PLG: variants seen among roughly 807,000 people sequenced by gnomAD.
The protein encoded by PLG is plasmin.
A neutral mutation model predicts 104.4 loss-of-function variants in PLG; 41 were observed. The ratio of observed to expected loss-of-function variants is 0.39; its 90% CI spans 0.31 to 0.51. The LOEUF (loss-of-function observed/expected upper bound fraction) is 0.51, where lower values mean the gene tolerates loss of function less well. Among genes scored for constraint, PLG ranks in the 20% least tolerant of loss-of-function variants. The pLI is 0.76. For synonymous variants in PLG, 337 were observed against 357.1 expected (o/e 0.94, Z 0.63); for missense variants, 891 against 1,003.6 (o/e 0.89, Z 1.52).
intron 7 of PLG, among the ~76,000 whole-genome samples, chr6:160,717,692 A>G (rs183144190): frequency 2.0e-5 from 3 of 152,246 alleles, no homozygotes; most frequent in Non-Finnish European, 4.4e-5. Context: ...TCGGGGTGTG[A>G]GGTGACACGT....
At position 160,735,860 on chromosome 6, in the gene PLG, GA is replaced by G. The variant is rs1445349002; in HGVS notation, c.1682-1026del. ...CTAGCAGAAATTGAGCTCAGCACTA[GA>G]GAAGATGATTGCATTCTATGCCTTG... is the stretch of plus-strand genomic sequence containing the variant. On this transcript the variant is annotated intron_variant, in intron 13 of 18. Transcript: ENST00000308192. The surrounding 1 kb of genome is among the most constrained non-coding windows in gnomAD (Gnocchi z 5.4). 6.6e-6 allele frequency among the ~76,000 whole-genome samples: 1 copy of G among 152,176 alleles called. No homozygotes were observed. Among genetic ancestry groups the G allele is most frequent in the Non-Finnish European group, 1.5e-5 (1 of 68,040 alleles).
rs1300442912 is a variant in PLG, at chr6:160,752,352, G to A, written c.2271+92G>A. ...TTCATTCCCCAGGTGGCAAATTCAAGGATTTTCAACCGAAGACCCCAGTCT... is the reference window on the plus strand; with the variant it reads ...TTCATTCCCCAGGTGGCAAATTCAAAGATTTTCAACCGAAGACCCCAGTCT... On this transcript the variant is annotated intron_variant, in intron 18 of 18. Coordinates refer to ENST00000308192, the MANE Select transcript of PLG (RefSeq NM_000301.5). This position sits in a 1 kb window ranked among gnomAD's most constrained non-coding sequence, Gnocchi z 4.7. 3.2e-5 allele frequency: 40 copies of A among 1,235,658 alleles called. No homozygotes were observed. The Admixed American group carries it at 6.1e-4, about 19-fold the overall frequency. 76.5% of individuals were successfully genotyped at this position (1,235,658 alleles called of 1,614,324 possible). A position where few individuals can be genotyped will look rare whatever the true frequency, so the allele number is the denominator to read the frequency against.
chr6:160,752,765 G>C lies in PLG; in HGVS notation c.2272-135G>C, dbSNP rs1410501053. ...AAGTACTTAAGCACTGCAGATGCTTGAGTAATATGCTCATAAGTTCCTTTC... is the reference window on the plus strand; with the variant it reads ...AAGTACTTAAGCACTGCAGATGCTTCAGTAATATGCTCATAAGTTCCTTTC... On this transcript the variant is annotated intron_variant, in intron 18 of 18. Transcript: ENST00000308192. The surrounding 1 kb of genome is among the most constrained non-coding windows in gnomAD (Gnocchi z 4.7). 2.8e-6 allele frequency: 3 copies of C among 1,089,646 alleles called. No individual in the cohort carries two copies. In the African/African-American group the frequency reaches 4.7e-5, roughly 17 times the overall value. 67.5% of individuals were successfully genotyped at this position (1,089,646 alleles called of 1,614,324 possible).
At chr6:160,748,211 A>T (rs1245952216) in intron 17 of PLG, among the ~76,000 whole-genome samples, 3 of 151,522 alleles carry the variant, frequency 2.0e-5, no homozygotes, top group Non-Finnish European at 4.4e-5. Flanking sequence ...AGGCTGAGGC[A>T]GGAGAATCGC....
At chr6:160,749,623 C>T (rs1778363338) in intron 17 of PLG, among the ~76,000 whole-genome samples, 2 of 150,446 alleles carry the variant, frequency 1.3e-5, no homozygotes, top group South Asian at 2.1e-4. Context: ...ATTATCACCA[C>T]CACCATCATC....
In PLG at chr6:160,718,857, G is replaced by A; in HGVS notation, c.1096+19G>A. ...CCCACAGGTAAGCAAGGGTATGGGA[G>A]CTTACTGAGGGCCCAAGTTTTCTCC... On this transcript the variant is annotated intron_variant, in intron 9 of 18. Transcript: ENST00000308192. 1.2e-6 allele frequency: 2 copies of A among 1,610,870 alleles called. No homozygotes were observed. Among genetic ancestry groups the A allele is most frequent in the South Asian group, 1.1e-5 (1 of 91,034 alleles).
At chr6:160,705,999 CTG>C (rs1235256998) in intron 1 of PLG, 1 of 214,734 alleles carries the variant, frequency 4.7e-6, no homozygotes, top group Non-Finnish European at 9.4e-6. Flanking sequence ...GCTAATGAAA[CTG>C]TTTTTCTTTG....
rs969828765 is a variant in PLG, at chr6:160,722,499, G to A, written c.1188G>A (p.Lys396=). 6.2e-7 allele frequency: 1 copy of A among 1,613,880 alleles called. No homozygotes were observed. Among genetic ancestry groups the A allele is most frequent in the Non-Finnish European group, 8.5e-7 (1 of 1,179,808 alleles). The change falls in exon 10 of 19, where the codon AAG becomes AAA. Residue 396 remains lysine (K), a synonymous_variant. Coordinates refer to ENST00000308192, the MANE Select transcript of PLG (RefSeq NM_000301.5). Reference sequence around the variant, plus strand: ...CATCCTCCACCACCACCACAGGAAAGAAGTGTCAGTCTTGGTCATCTATGA... The same window carrying A: ...CATCCTCCACCACCACCACAGGAAAAAAGTGTCAGTCTTGGTCATCTATGA... The part of the protein sequence containing the change: ...RGTSSTTTTG[K]KCQSWSSMTP...
rs979927164 is a variant in PLG at position 160,753,349 on chromosome 6, T to C, written c.*288T>C. On this transcript the variant is annotated 3_prime_UTR_variant, in exon 19 of 19. Transcript: ENST00000308192. This position sits in a 1 kb window ranked among gnomAD's most constrained non-coding sequence, Gnocchi z 5.4. ...TGCTCTTTGTTCACCCCACCAATTT[T>C]TAAATGGGCAGATGGGGGGATTTAG... 1 of 447,406 alleles carries C rather than the reference T, an allele frequency of 2.2e-6. No homozygotes were observed. The highest frequency in any genetic ancestry group is 4.1e-6 in the Non-Finnish European group (1 of 241,858). The allele number at this position is 447,406 out of a possible 1,614,324, so 27.7% of individuals were successfully genotyped here. A position where few individuals can be genotyped will look rare whatever the true frequency, so the allele number is the denominator to read the frequency against.
rs539864247 is a variant in PLG, at chr6:160,723,417, T to C, written c.1256+850T>C. On this transcript the variant is annotated intron_variant, in intron 10 of 18. Transcript: ENST00000308192. This position sits in a 1 kb window ranked among gnomAD's most constrained non-coding sequence, Gnocchi z 4.7. ...TTGGAGAACAGATAAACTGAGATAA[T>C]TTAGAAAGGGAATCAAATGAGATCA... Among the ~76,000 whole-genome samples the C allele has an allele frequency of 1.3e-5, 2 of 152,232 alleles. No individual in the cohort carries two copies. Among genetic ancestry groups the C allele is most frequent in the Admixed American group, 1.3e-4 (2 of 15,276 alleles).
chr6:160,752,829 G>T lies in PLG; in HGVS notation c.2272-71G>T. 6.6e-7 allele frequency: 1 copy of T among 1,513,158 alleles called. No individual in the cohort carries two copies. The highest frequency in any genetic ancestry group is 9.2e-7 in the Non-Finnish European group (1 of 1,088,510). The allele number at this position is 1,513,158 out of a possible 1,614,324, so 93.7% of individuals were successfully genotyped here. A position where few individuals can be genotyped will look rare whatever the true frequency, so the allele number is the denominator to read the frequency against. On this transcript the variant is annotated intron_variant, in intron 18 of 18. Coordinates refer to ENST00000308192, the MANE Select transcript of PLG (RefSeq NM_000301.5). The surrounding 1 kb of genome is among the most constrained non-coding windows in gnomAD (Gnocchi z 4.7). ...TGGGAAAATGTATATATGGATAGTA[G>T]AAGGATGGCATCCCATAATAAAAGG... is the stretch of plus-strand genomic sequence containing the variant.
intron 17 of PLG, among the ~76,000 whole-genome samples, chr6:160,749,903 G>GCCACCACCATCATCA (rs149258451): frequency 6.8e-6 from 1 of 147,094 alleles, no homozygotes; most frequent in East Asian, 2.0e-4. Context: ...TTCCACCACT[G>GCCACCACCATCATCA]CCACCACCAC....
At position 160,724,838 on chromosome 6, in the gene PLG, G is replaced by A. The variant is rs1316491686; in HGVS notation, c.1256+2271G>A. Among the ~76,000 whole-genome samples the A allele has an allele frequency of 6.6e-6, 1 of 152,114 alleles. No homozygotes were observed. Among genetic ancestry groups the A allele is most frequent in the Non-Finnish European group, 1.5e-5 (1 of 68,014 alleles). ...TCATTACTAGGCTTATATAATAAAA[G>A]ATGTTCTAGAAATCTATTTTGGTAG... is the stretch of plus-strand genomic sequence containing the variant. On this transcript the variant is annotated intron_variant, in intron 10 of 18. Transcript: ENST00000308192. This position sits in a 1 kb window ranked among gnomAD's most constrained non-coding sequence, Gnocchi z 5.0.
rs908643962 is a variant in PLG at position 160,741,626 on chromosome 6, C to T, written c.2125+209C>T. Among the ~76,000 whole-genome samples, 1 of 152,124 alleles carries T rather than the reference C, an allele frequency of 6.6e-6. No individual in the cohort carries two copies. Among genetic ancestry groups the T allele is most frequent in the African/African-American group, 2.4e-5 (1 of 41,430 alleles). On this transcript the variant is annotated intron_variant, in intron 17 of 18. Coordinates refer to ENST00000308192, the MANE Select transcript of PLG (RefSeq NM_000301.5). The surrounding 1 kb of genome is among the most constrained non-coding windows in gnomAD (Gnocchi z 4.7). ...GAAAACTGTGTCTTTGAGTCTCTCT[C>T]TCTCTCTCTGTTTTCAGAACATTTT...
intron 9 of PLG, among the ~76,000 whole-genome samples, chr6:160,720,238 A>C (rs1777805314): frequency 6.6e-6 from 1 of 151,932 alleles, no homozygotes; most frequent in South Asian, 2.1e-4. Context: ...CTATGTTTTC[A>C]ATAGGTCATT....
At position 160,740,451 on chromosome 6, in the gene PLG, A is replaced by G. The variant is rs1418644478; in HGVS notation, c.2019-860A>G. ...TGATAGGCTGATACATTTCGAGTTT[A>G]GAGTTCCCACCCCACATCCCCACAC... On this transcript the variant is annotated intron_variant, in intron 16 of 18. Transcript: ENST00000308192. The surrounding 1 kb of genome is among the most constrained non-coding windows in gnomAD (Gnocchi z 5.2). Among the ~76,000 whole-genome samples, 3 of 152,132 alleles carry G rather than the reference A, an allele frequency of 2.0e-5. No individual in the cohort carries two copies. The highest frequency in any genetic ancestry group is 7.2e-5 in the African/African-American group (3 of 41,426).
In PLG at chr6:160,740,528, G is replaced by A. The variant is rs772568861; in HGVS notation, c.2019-783G>A. 5.9e-5 allele frequency among the ~76,000 whole-genome samples: 9 copies of A among 152,278 alleles called. No individual in the cohort carries two copies. The highest frequency in any genetic ancestry group is 1.4e-4 in the African/African-American group (6 of 41,568). ...ACCAGGGAACCTGTAGAGTGAGGAC[G>A]TCTGCATGACAGGCTGGGCCTTCTG... On this transcript the variant is annotated intron_variant, in intron 16 of 18. Coordinates refer to ENST00000308192, the MANE Select transcript of PLG (RefSeq NM_000301.5). The surrounding 1 kb of genome is among the most constrained non-coding windows in gnomAD (Gnocchi z 5.2).
At position 160,735,895 on chromosome 6, in the gene PLG, T is replaced by G. The variant is rs944740883; in HGVS notation, c.1682-992T>G. On this transcript the variant is annotated intron_variant, in intron 13 of 18. Coordinates refer to ENST00000308192, the MANE Select transcript of PLG (RefSeq NM_000301.5). The surrounding 1 kb of genome is among the most constrained non-coding windows in gnomAD (Gnocchi z 5.4). ...TTGCATTCTATGCCTTGCTTCTTTT[T>G]TTAAAAAAAGGCTTCCATAGATAGA... Among the ~76,000 whole-genome samples, 1 of 152,074 alleles carries G rather than the reference T, an allele frequency of 6.6e-6. No individual in the cohort carries two copies. The highest frequency in any genetic ancestry group is 1.5e-5 in the Non-Finnish European group (1 of 67,996).
In PLG at chr6:160,739,139, A is replaced by T; in HGVS notation, c.1949A>T (p.Gln650Leu). Reference sequence around the variant, plus strand: ...GAAGTGAATCTCGAACCGCATGTTCAGGAAATAGAAGTGTCTAGGCTGTTC... The same window carrying T: ...GAAGTGAATCTCGAACCGCATGTTCTGGAAATAGAAGTGTCTAGGCTGTTC... ...HQEVNLEPHV[Q>L]EIEVSRLFLE... The change falls in exon 16 of 19, where the codon CAG becomes CTG. Residue 650 changes from glutamine to leucine, a missense_variant. Coordinates refer to ENST00000308192, the MANE Select transcript of PLG (RefSeq NM_000301.5). The surrounding 1 kb of genome is among the most constrained non-coding windows in gnomAD (Gnocchi z 4.4). 1.9e-6 allele frequency: 3 copies of T among 1,614,162 alleles called. No homozygotes were observed. Among genetic ancestry groups the T allele is most frequent in the Non-Finnish European group, 2.5e-6 (3 of 1,180,014 alleles).
Sources: gnomAD v4.1 joint callset for allele counts (sites outside exome capture counted in the v4.1 genomes callset) on GRCh38, gnomAD v4.1.1 for gene constraint, Gnocchi (gnomAD v3.1) non-coding constraint, MANE v1.5 for transcripts, NCBI Gene and HGNC (gene_info 2026-07-23, HGNC 2026-07-21) for gene names.